Variants in ARID1B observed in about 807,000 individuals in gnomAD.
ARID1B encodes the protein AT-rich interaction domain 1B.
ARID1B carries 30 observed loss-of-function variants against 212.3 expected under a neutral mutation model. The observed-to-expected ratio is 0.14, with a 90% confidence interval of 0.11 to 0.19. ARID1B has a LOEUF of 0.19. ARID1B is among the 10% of genes least tolerant of loss of function. ARID1B has a pLI of 1.00. For synonymous variants in ARID1B, 1,402 were observed against 1,301.7 expected (o/e 1.08, Z -1.66); for missense variants, 2,891 against 3,204.0 (o/e 0.90, Z 2.36).
At chr6:156,994,495 A>G (rs951621061) in intron 4 of ARID1B, among the ~76,000 whole-genome samples, 1 of 152,136 alleles carries the variant, frequency 6.6e-6, no homozygotes, top group Non-Finnish European at 1.5e-5. Flanking sequence ...ACTTAAAACA[A>G]ATATACAAAA....
At chr6:157,026,180 T>C (rs1780652364) in intron 4 of ARID1B, among the ~76,000 whole-genome samples, 1 of 152,244 alleles carries the variant, frequency 6.6e-6, no homozygotes, top group Admixed American at 6.5e-5. Context: ...CTCAAAGTGC[T>C]GGGATTACAG....
At chr6:156,918,228 TG>T (rs1790511129) in intron 3 of ARID1B, among the ~76,000 whole-genome samples, 1 of 152,192 alleles carries the variant, frequency 6.6e-6, no homozygotes, top group Non-Finnish European at 1.5e-5. Flanking sequence ...TGTGATCCAT[TG>T]TGGGGTAAAC....
chr6:156,809,405 C>T (rs966224018), intron 1 of ARID1B, among the ~76,000 whole-genome samples: 8 of 152,082 alleles, frequency 5.3e-5, no homozygotes, highest in African/African-American at 1.2e-4. Context: ...GTAAAATTCT[C>T]GCCTATTTGA....
rs71645383 is a variant in ARID1B at position 157,054,223 on chromosome 6, C to CAAAAAAAAAAAAAAAAAA, written c.2248-30431_2248-30430insAAAAAAAAAAAAAAAAAA. Reference sequence around the variant, plus strand: ...TGGGCCACAGAGCAAGACTCTGTCTCAAAAAAAAGAAGGTGGATGGCCAGG... The same window carrying CAAAAAAAAAAAAAAAAAA: ...TGGGCCACAGAGCAAGACTCTGTCTCAAAAAAAAAAAAAAAAAAAAAAAAAAGAAGGTGGATGGCCAGG... On this transcript the variant is annotated intron_variant, in intron 4 of 19. Transcript: ENST00000636930. Among the ~76,000 whole-genome samples, 6 of 144,748 alleles carry CAAAAAAAAAAAAAAAAAA rather than the reference C, an allele frequency of 4.1e-5. No individual in the cohort carries two copies. The South Asian group carries it at 1.1e-3, about 26-fold the overall frequency. 95.0% of individuals were successfully genotyped at this position (144,748 alleles called of 152,430 possible).
intron 8 of ARID1B, among the ~76,000 whole-genome samples, chr6:157,165,479 C>G (rs953174072): frequency 6.6e-6 from 1 of 152,074 alleles, no homozygotes; most frequent in Non-Finnish European, 1.5e-5. Flanking sequence ...GCAGATGGTC[C>G]ACGTTTGAAC....
chr6:156,845,274 ATTCTGTACTTTATTACCC>A (rs1784160676), intron 2 of ARID1B, among the ~76,000 whole-genome samples: 1 of 152,326 alleles, frequency 6.6e-6, no homozygotes, highest in Admixed American at 6.5e-5. Context: ...CGCATTCTGC[ATTCTGTACTTTATTACCC>A]TCCTGGCCCG....
intron 17 of ARID1B, 136 bp downstream of exon 17, chr6:157,199,043 A>G (rs566037639): frequency 3.9e-5 from 27 of 697,160 alleles, no homozygotes; most frequent in Non-Finnish European, 6.1e-5. Context: ...TTCAGGATAT[A>G]GTTAATGCTA....
intron 3 of ARID1B, among the ~76,000 whole-genome samples, chr6:156,932,229 C>T (rs1349589121): frequency 1.3e-5 from 2 of 151,526 alleles, no homozygotes; most frequent in Non-Finnish European, 2.9e-5. Flanking sequence ...TTTTTTCACA[C>T]CTTTGTTTGT....
chr6:156,803,721 C>CA (rs1934670729), intron 1 of ARID1B, among the ~76,000 whole-genome samples: 1 of 151,358 alleles, frequency 6.6e-6, no homozygotes, highest in Non-Finnish European at 1.5e-5. Context: ...TGTAAGTGTC[C>CA]CATTCCACAT....
chr6:156,950,590 C>T lies in ARID1B; in HGVS notation c.2247+15014C>T, dbSNP rs569149131. ...CATTAAATGAATATGTTGTTGTGGG[C>T]CAGGTGGTATTTTGCGGGGGGGTAA... On this transcript the variant is annotated intron_variant, in intron 4 of 19. Coordinates refer to ENST00000636930, the MANE Select transcript of ARID1B (RefSeq NM_001374828.1). Among the ~76,000 whole-genome samples, 88 of 130,822 alleles carry T rather than the reference C, an allele frequency of 6.7e-4. No individual in the cohort carries two copies. The Middle Eastern group carries it at 0.014, about 20-fold the overall frequency. 85.8% of individuals were successfully genotyped at this position (130,822 alleles called of 152,430 possible).
intron 3 of ARID1B, among the ~76,000 whole-genome samples, chr6:156,905,229 C>T (rs1029507067): frequency 1.9e-4 from 28 of 146,102 alleles, no homozygotes; most frequent in African/African-American, 7.4e-4. Context: ...AGAATAGAAT[C>T]AATTGTGCTC....
chr6:157,200,642 T>C lies in ARID1B; in HGVS notation c.4480-63T>C. On this transcript the variant is annotated intron_variant, in intron 17 of 19. Transcript: ENST00000636930. The surrounding 1 kb of genome is among the most constrained non-coding windows in gnomAD (Gnocchi z 4.3). ...AGCAGGTAATAACTATTTTGCATAATTTCAGTGTGTGATTATACCTGTAAG... is the reference window on the plus strand; with the variant it reads ...AGCAGGTAATAACTATTTTGCATAACTTCAGTGTGTGATTATACCTGTAAG... 1 of 1,511,224 alleles carries C rather than the reference T, an allele frequency of 6.6e-7. No individual in the cohort carries two copies. Among genetic ancestry groups the C allele is most frequent in the Non-Finnish European group, 8.9e-7 (1 of 1,128,492 alleles). 93.6% of individuals were successfully genotyped at this position (1,511,224 alleles called of 1,614,324 possible). A position where few individuals can be genotyped will look rare whatever the true frequency, so the allele number is the denominator to read the frequency against.
intron 4 of ARID1B, chr6:157,023,244 TTG>T (rs1477975734): frequency 9.9e-5 from 15 of 152,208 alleles, no homozygotes; most frequent in Admixed American, 2.6e-4. Context: ...AGCAAATGCA[TTG>T]TGAGGATAAA....
intron 2 of ARID1B, among the ~76,000 whole-genome samples, chr6:156,890,518 T>G (rs1284251823): frequency 2.0e-5 from 3 of 152,238 alleles, no homozygotes; most frequent in Admixed American, 2.0e-4. Context: ...TGTGTTGGTT[T>G]CAGAAAGCCT....
At chr6:157,109,483 T>G (rs1183412919) in intron 5 of ARID1B, among the ~76,000 whole-genome samples, 1 of 152,186 alleles carries the variant, frequency 6.6e-6, no homozygotes, top group African/African-American at 2.4e-5. Context: ...GGGTAGAAGA[T>G]AAAATAGCAT....
At chr6:157,039,072 T>C (rs1450324696) in intron 4 of ARID1B, among the ~76,000 whole-genome samples, 1 of 152,086 alleles carries the variant, frequency 6.6e-6, no homozygotes, top group African/African-American at 2.4e-5. Flanking sequence ...GGTCTAACTA[T>C]GTTGCCCAGG....
chr6:157,184,517 C>T (rs753434994), intron 13 of ARID1B, 82 bp downstream of exon 13: 13 of 1,501,000 alleles, frequency 8.7e-6, no homozygotes, highest in Non-Finnish European at 2.7e-6. Flanking sequence ...GTTTCACAGT[C>T]AGGCCAACAG....
chr6:156,829,086 A>G (rs1009877672), intron 1 of ARID1B, 141 bp from the exon 2 acceptor site: 18 of 654,130 alleles, frequency 2.8e-5, no homozygotes, highest in Non-Finnish European at 4.5e-5. Context: ...GTCTTGCTGG[A>G]TGTTTTGTCA....
At position 157,174,580 on chromosome 6, in the gene ARID1B, C is replaced by A. The variant is rs1475621400; in HGVS notation, c.3346-267C>A. Reference sequence around the variant, plus strand: ...TAAGGGGTAACCCATGCTTAGCATTCCATGTAAGCTTGAAGTAAGCATGGT... The same window carrying A: ...TAAGGGGTAACCCATGCTTAGCATTACATGTAAGCTTGAAGTAAGCATGGT... On this transcript the variant is annotated intron_variant, in intron 10 of 19. Coordinates refer to ENST00000636930, the MANE Select transcript of ARID1B (RefSeq NM_001374828.1). Among the ~76,000 whole-genome samples the A allele has an allele frequency of 2.0e-5, 3 of 151,190 alleles. No homozygotes were observed. The East Asian group carries it at 5.8e-4, about 29-fold the overall frequency.
Sources: allele counts gnomAD v4.1 joint callset (sites outside exome capture counted in the v4.1 genomes callset), GRCh38; gene constraint gnomAD v4.1.1; non-coding constraint Gnocchi (gnomAD v3.1); transcripts MANE v1.5; gene names NCBI Gene and HGNC (gene_info 2026-07-23, HGNC 2026-07-21).